LRP12: variants seen among roughly 807,000 people sequenced by gnomAD.
LRP12 encodes the protein low-density lipoprotein receptor-related protein 12.
A neutral mutation model predicts 66.0 loss-of-function variants in LRP12; 14 were observed. The observed-to-expected ratio is 0.21, with a 90% CI of 0.14 to 0.33. LRP12 has a LOEUF of 0.33. LRP12 is among the 10% of genes least tolerant of loss of function. LRP12 has a pLI of 1.00. For missense variants in LRP12, 889 were observed against 1,053.4 expected, an observed-to-expected ratio of 0.84 and a Z score of 2.16; for synonymous variants, 357 against 359.1, an observed-to-expected ratio of 0.99 and a Z score of 0.07.
In LRP12 at chr8:104,492,985, G is replaced by A. The variant is rs1046551717; in HGVS notation, c.1714-1446C>T. On this transcript the variant is annotated intron_variant, in intron 6 of 6. Coordinates refer to ENST00000276654, the MANE Select transcript of LRP12 (RefSeq NM_013437.5). ...TATTATGTCCAGCAATGAACAAAAG[G>A]CTCTTCTGTTATCCTCTGTTGTGCT... Among the ~76,000 whole-genome samples the A allele has an allele frequency of 2.0e-5, 3 of 152,120 alleles. No individual in the cohort carries two copies. In the South Asian group the frequency reaches 6.2e-4, roughly 32 times the overall value.
At chr8:104,493,857 T>C (rs957790616) in intron 6 of LRP12, among the ~76,000 whole-genome samples, 2 of 152,218 alleles carry the variant, frequency 1.3e-5, no homozygotes, top group Non-Finnish European at 2.9e-5. Context: ...GGAAGGTCCA[T>C]GTTTGGTACC....
chr8:104,565,554 A>G (rs1811984260), intron 1 of LRP12, among the ~76,000 whole-genome samples: 1 of 151,958 alleles, frequency 6.6e-6, no homozygotes, highest in Non-Finnish European at 1.5e-5. Context: ...TTAGCTGTGT[A>G]CCCATAAAAA....
At chr8:104,493,117 TAATTAGG>T (rs1810663281) in intron 6 of LRP12, among the ~76,000 whole-genome samples, 1 of 152,220 alleles carries the variant, frequency 6.6e-6, no homozygotes, top group Non-Finnish European at 1.5e-5. Flanking sequence ...AAAAGTCAGT[TAATTAGG>T]ATTGGCAATC....
intron 3 of LRP12, among the ~76,000 whole-genome samples, chr8:104,502,526 C>T (rs1810842133): frequency 6.6e-6 from 1 of 152,158 alleles, no homozygotes; most frequent in African/African-American, 2.4e-5. Context: ...ATCCTGACAC[C>T]TCAAGCTGAC....
chr8:104,573,319 C>T (rs963058889), intron 1 of LRP12, among the ~76,000 whole-genome samples: 1 of 152,106 alleles, frequency 6.6e-6, no homozygotes, highest in Non-Finnish European at 1.5e-5. Context: ...ACCGGATGTA[C>T]CCTACTGACA....
intron 2 of LRP12, among the ~76,000 whole-genome samples, chr8:104,530,779 T>C (rs1811314726): frequency 6.6e-6 from 1 of 152,198 alleles, no homozygotes; most frequent in African/African-American, 2.4e-5. Flanking sequence ...GGAAAAGTAA[T>C]TATAATTCTC....
Position 104,508,936 on chromosome 8 carries a change from T to G in LRP12, c.272+3A>C. 6.2e-7 allele frequency: 1 copy of G among 1,608,322 alleles called. No homozygotes were observed. Among genetic ancestry groups the G allele is most frequent in the South Asian group, 1.1e-5 (1 of 90,052 alleles). Reference sequence around the variant, plus strand: ...ATATAGTAATACAGAAAGGTAGAATTACCTTATAGTAATGATTTCGCCTGG... The same window carrying G: ...ATATAGTAATACAGAAAGGTAGAATGACCTTATAGTAATGATTTCGCCTGG... On this transcript the variant is annotated splice_donor_region_variant and intron_variant, in intron 3 of 6. Transcript: ENST00000276654.
chr8:104,528,439 T>G (rs539550950), intron 2 of LRP12, among the ~76,000 whole-genome samples: 2 of 152,214 alleles, frequency 1.3e-5, no homozygotes, highest in Admixed American at 6.5e-5. Flanking sequence ...AAGCTTATAC[T>G]CTATTAAACA....
intron 3 of LRP12, among the ~76,000 whole-genome samples, chr8:104,501,810 A>G (rs1810831981): frequency 6.6e-6 from 1 of 151,976 alleles, no homozygotes; most frequent in Admixed American, 6.6e-5. Context: ...GAACCTTTTA[A>G]TAAGCAGAAG....
chr8:104,506,846 G>A (rs1036679022), intron 3 of LRP12: 1 of 152,046 alleles, frequency 6.6e-6, no homozygotes, highest in African/African-American at 2.4e-5. Flanking sequence ...ACAGTTCTCA[G>A]TATTGTTTTT....
At chr8:104,520,676 T>C (rs1341712191) in intron 2 of LRP12, among the ~76,000 whole-genome samples, 1 of 152,058 alleles carries the variant, frequency 6.6e-6, no homozygotes, top group Admixed American at 6.6e-5. Context: ...TTACTGCAGT[T>C]TAATATCAAA....
At chr8:104,499,888 C>A (rs369645544) in intron 3 of LRP12, among the ~76,000 whole-genome samples, 3 of 152,194 alleles carry the variant, frequency 2.0e-5, no homozygotes, top group African/African-American at 7.2e-5. Context: ...TCTCCCCAAT[C>A]TGATGAATTG....
chr8:104,517,910 T>C (rs1424139368), intron 2 of LRP12, among the ~76,000 whole-genome samples: 1 of 152,106 alleles, frequency 6.6e-6, no homozygotes, highest in Admixed American at 6.6e-5. Context: ...GTAAAAATTA[T>C]TCTGAAAGTT....
intron 1 of LRP12, among the ~76,000 whole-genome samples, chr8:104,552,521 T>A (rs773326347): frequency 5.3e-5 from 8 of 152,016 alleles, no homozygotes; most frequent in Non-Finnish European, 8.8e-5. Flanking sequence ...AATACAATTT[T>A]TTTTTTCTCT....
chr8:104,548,670 T>TTTAATTATATAATTATTATATAATTAA (rs1223451092), intron 1 of LRP12, among the ~76,000 whole-genome samples: 1 of 71,736 alleles, frequency 1.4e-5, no homozygotes, highest in African/African-American at 6.0e-5. Context: ...ATATAATTAA[T>TTTAATTATATAATTATTATATAATTAA]ATGGGTGCAG....
At chr8:104,543,859 T>C (rs983189463) in intron 1 of LRP12, among the ~76,000 whole-genome samples, 9 of 151,862 alleles carry the variant, frequency 5.9e-5, no homozygotes, top group Non-Finnish European at 1.2e-4. Context: ...GAGGCGGAGG[T>C]TGCAGTGAGC....
At chr8:104,547,114 CTGTTA>C (rs1282462528) in intron 1 of LRP12, among the ~76,000 whole-genome samples, 4 of 141,940 alleles carry the variant, frequency 2.8e-5, no homozygotes, top group Middle Eastern at 4.2e-3. Flanking sequence ...ATATATAATT[CTGTTA>C]TATCATACTT....
chr8:104,563,824 A>G (rs1811953403), intron 1 of LRP12, among the ~76,000 whole-genome samples: 1 of 152,200 alleles, frequency 6.6e-6, no homozygotes, highest in Admixed American at 6.5e-5. Flanking sequence ...CCCAGCCGCC[A>G]GAACTGTGAG....
chr8:104,581,239 C>G (rs181137917), intron 1 of LRP12, among the ~76,000 whole-genome samples: 43 of 152,152 alleles, frequency 2.8e-4, no homozygotes, highest in Non-Finnish European at 5.6e-4. Context: ...ATGATGAGAA[C>G]ACATGGACAC....
Sources: allele counts gnomAD v4.1 joint callset (sites outside exome capture counted in the v4.1 genomes callset), GRCh38; gene constraint gnomAD v4.1.1; transcripts MANE v1.5; gene names NCBI Gene and HGNC (gene_info 2026-07-23, HGNC 2026-07-21).